EXPH5: variants seen among roughly 807,000 people sequenced by gnomAD.
EXPH5 encodes exophilin 5.
In EXPH5, 42 loss-of-function variants were observed where a neutral mutation model predicts 41.1. The observed-to-expected ratio is 1.02, with a 90% CI of 0.80 to 1.32. EXPH5 has a LOEUF of 1.32. Among genes scored for constraint, EXPH5 ranks in the 40% most tolerant of loss-of-function variants. The pLI is 0.00. For synonymous variants in EXPH5, 798 were observed against 833.5 expected (o/e 0.96, Z 0.73); for missense variants, 2,298 against 2,314.5 (o/e 0.99, Z 0.15).
At chr11:108,594,586 C>CT (rs146274762), upstream of EXPH5, among the ~76,000 whole-genome samples, 565 of 151,460 alleles carry the variant, frequency 3.7e-3, 15 homozygotes, top group East Asian at 0.088. Flanking sequence ...CACATATATA[C>CT]TTTTTTTTTA....
In EXPH5 at chr11:108,593,494, C is replaced by T; in HGVS notation, c.43G>A (p.Asp15Asn). The T allele has an allele frequency of 6.2e-7, 1 of 1,614,210 alleles. No homozygotes were observed. The highest frequency in any genetic ancestry group is 1.3e-5 in the African/African-American group (1 of 75,066). The change falls in exon 1 of 6, where the codon GAC (aspartate) becomes AAC (asparagine). Residue 15 changes from aspartate to asparagine, a missense_variant. Coordinates refer to ENST00000265843, the MANE Select transcript of EXPH5 (RefSeq NM_015065.3). ...PPAFDFSFLNDEEARKILQVL... is the reference protein window; with the variant it reads ...PPAFDFSFLNNEEARKILQVL... ...TGAAGGATCTTCCTGGCCTCTTCGTCATTTAAGAAACTGAAATCAAACGCC... is the reference window on the plus strand; with the variant it reads ...TGAAGGATCTTCCTGGCCTCTTCGTTATTTAAGAAACTGAAATCAAACGCC...
At position 108,513,698 on chromosome 11, in the gene EXPH5, A is replaced by G. The variant is rs199632584; in HGVS notation, c.1809T>C (p.Ser603=). 40 of 1,612,658 alleles carry G rather than the reference A, an allele frequency of 2.5e-5. No homozygotes were observed. Among genetic ancestry groups the G allele is most frequent in the Middle Eastern group, 1.6e-4 (1 of 6,078 alleles). The stretch of plus-strand genomic sequence containing the variant: ...TGTTTATATGTACTTCTACAGGAGA[A>G]CTGTCCTGTTGACTTACCAACTCAC... ...KSSELVSQQD[S]SPVEVHINKE... Residue 603 remains serine (S), a synonymous_variant, in exon 6 of 6, where the codon AGT becomes AGC. Transcript: ENST00000265843.
chr11:108,531,132 C>T (rs2093835177), intron 3 of EXPH5, among the ~76,000 whole-genome samples: 1 of 152,188 alleles, frequency 6.6e-6, no homozygotes, highest in Non-Finnish European at 1.5e-5. Context: ...TCACATATAT[C>T]CCCACTTCAC....
At position 108,593,519 on chromosome 11, in the gene EXPH5, C is replaced by T. The variant is rs1370916941; in HGVS notation, c.18G>A (p.Pro6=). 3 of 1,614,186 alleles carry T rather than the reference C, an allele frequency of 1.9e-6. No individual in the cohort carries two copies. Among genetic ancestry groups the T allele is most frequent in the Admixed American group, 3.3e-5 (2 of 60,024 alleles). MTKVP[P]AFDFSFLNDE... ...CATTTAAGAAACTGAAATCAAACGC[C>T]GGAGGAACTTTCGTCATTTTCTTTA... The change falls in exon 1 of 6, where the codon CCG becomes CCA. Residue 6 remains proline, a synonymous_variant. Transcript: ENST00000265843.
At chr11:108,522,396 A>G (rs757334805) in intron 4 of EXPH5, among the ~76,000 whole-genome samples, 7 of 152,148 alleles carry the variant, frequency 4.6e-5, no homozygotes, top group Non-Finnish European at 1.0e-4. Context: ...TAGTTCATTT[A>G]GTTTTAACTA....
chr11:108,542,125 A>G (rs1314602404), intron 1 of EXPH5, among the ~76,000 whole-genome samples: 3 of 152,026 alleles, frequency 2.0e-5, no homozygotes, highest in Non-Finnish European at 4.4e-5. Context: ...AGCGATCTGC[A>G]TGCCTCAGCC....
intron 1 of EXPH5, 98 bp from the exon 2 acceptor site, chr11:108,541,910 A>C: frequency 1.0e-6 from 1 of 958,118 alleles, no homozygotes; most frequent in South Asian, 1.8e-5. Context: ...TGGGGGTCTC[A>C]TTCTGTCACC....
At chr11:108,605,980 G>A in the EXPH5 span, among the ~76,000 whole-genome samples, 2 of 152,160 alleles carry the variant, frequency 1.3e-5, no homozygotes, top group Non-Finnish European at 2.9e-5. Context: ...CATATGTTCA[G>A]CTATATGACT....
chr11:108,520,643 T>C (rs952800398), intron 4 of EXPH5, among the ~76,000 whole-genome samples: 1 of 152,270 alleles, frequency 6.6e-6, no homozygotes, highest in South Asian at 2.1e-4. Flanking sequence ...ATCTGGGCTC[T>C]GCACCATCCA....
At chr11:108,566,226 G>A (rs1001074606) in intron 1 of EXPH5, among the ~76,000 whole-genome samples, 3 of 152,132 alleles carry the variant, frequency 2.0e-5, no homozygotes, top group Non-Finnish European at 4.4e-5. Flanking sequence ...AAAGACAATC[G>A]GAACTAGACT....
In EXPH5 at chr11:108,539,202, G is replaced by T; in HGVS notation, c.281-16C>A. The T allele has an allele frequency of 9.7e-6, 15 of 1,542,668 alleles. No individual in the cohort carries two copies. The highest frequency in any genetic ancestry group is 1.3e-5 in the Non-Finnish European group (15 of 1,139,092). ...TCTATCGGATCTAGAAAAAAAAATT[G>T]TAAAAATTTTGCATCAATTACTTCC... is the stretch of plus-strand genomic sequence containing the variant. On this transcript the variant is annotated splice_polypyrimidine_tract_variant and intron_variant, in intron 2 of 5. Transcript: ENST00000265843.
At chr11:108,532,094 T>C (rs1397353780) in intron 3 of EXPH5, among the ~76,000 whole-genome samples, 1 of 151,802 alleles carries the variant, frequency 6.6e-6, no homozygotes, top group African/African-American at 2.4e-5. Context: ...AAGTTGAAAC[T>C]TTTTTCTGCA....
chr11:108,564,596 T>G (rs978347150), intron 1 of EXPH5, among the ~76,000 whole-genome samples: 1 of 152,174 alleles, frequency 6.6e-6, no homozygotes, highest in Non-Finnish European at 1.5e-5. Flanking sequence ...AAAACTAGCA[T>G]TGTGCCCATC....
At chr11:108,594,205 G>A (rs982630166), upstream of EXPH5, among the ~76,000 whole-genome samples, 13 of 152,110 alleles carry the variant, frequency 8.5e-5, no homozygotes, top group African/African-American at 2.7e-4. Flanking sequence ...GCTGAAGGGC[G>A]GAAATTAGTG....
At position 108,513,487 on chromosome 11, in the gene EXPH5, C is replaced by T; in HGVS notation, c.2020G>A (p.Val674Met). ...GAGTCAACTGAATTGCTGCTGGTCACAGTGACTTCTGTATGGCTTCTCATT... is the reference window on the plus strand; with the variant it reads ...GAGTCAACTGAATTGCTGCTGGTCATAGTGACTTCTGTATGGCTTCTCATT... Reference protein sequence around the residue: ...HPMRSHTEVTVTSSNSVDSLP... With the variant: ...HPMRSHTEVTMTSSNSVDSLP... The change falls in exon 6 of 6, where the codon GTG becomes ATG. Residue 674 changes from valine to methionine, a missense_variant. Physicochemically the swap from Val to Met is conservative, Grantham distance 21. Coordinates refer to ENST00000265843, the MANE Select transcript of EXPH5 (RefSeq NM_015065.3). 1 of 1,613,956 alleles carries T rather than the reference C, an allele frequency of 6.2e-7. No individual in the cohort carries two copies.
intron 1 of EXPH5, among the ~76,000 whole-genome samples, chr11:108,581,215 G>T (rs11821686): frequency 6.6e-6 from 1 of 151,962 alleles, no homozygotes; most frequent in Non-Finnish European, 1.5e-5. Flanking sequence ...GAGGTGGAAG[G>T]ACTACTTGAG....
intron 1 of EXPH5, among the ~76,000 whole-genome samples, chr11:108,585,124 T>C (rs2094109558): frequency 6.6e-6 from 1 of 152,152 alleles, no homozygotes; most frequent in Non-Finnish European, 1.5e-5. Flanking sequence ...AGAGAATATA[T>C]GGAAGGCAAG....
At chr11:108,571,085 C>T (rs946534562) in intron 1 of EXPH5, among the ~76,000 whole-genome samples, 1 of 152,178 alleles carries the variant, frequency 6.6e-6, no homozygotes, top group African/African-American at 2.4e-5. Context: ...GGAGCCTCAG[C>T]TCGGTGGAAC....
intron 1 of EXPH5, among the ~76,000 whole-genome samples, chr11:108,573,402 A>G (rs561226226): frequency 2.0e-4 from 31 of 152,340 alleles, no homozygotes; most frequent in African/African-American, 6.7e-4. Context: ...CCTGACGTAG[A>G]AAATGGGAAG....
Sources: allele counts gnomAD v4.1 joint callset (sites outside exome capture counted in the v4.1 genomes callset), GRCh38; gene constraint gnomAD v4.1.1; transcripts MANE v1.5; gene names NCBI Gene and HGNC (gene_info 2026-07-23, HGNC 2026-07-21).